The following ACTR3C variants were observed in gnomAD, a reference collection of about 807,000 sequenced individuals.
ACTR3C encodes the protein actin related protein 3C.
ACTR3C carries 18 observed loss-of-function variants against 26.3 expected under a neutral mutation model. The ratio of observed to expected loss-of-function variants is 0.68; its 90% CI spans 0.47 to 1.01. The LOEUF is 1.01. Among genes scored for constraint, ACTR3C ranks in the 50% least tolerant of loss-of-function variants. The pLI is 0.00. For synonymous variants in ACTR3C, 55 were observed against 94.5 expected, an observed-to-expected ratio of 0.58 and a Z score of 2.42; for missense variants, 184 against 250.7, an observed-to-expected ratio of 0.73 and a Z score of 1.80.
chr7:150,028,378 G>C, the ACTR3C span, among the ~76,000 whole-genome samples: 1 of 152,266 alleles, frequency 6.6e-6, no homozygotes, highest in African/African-American at 2.4e-5. Context: ...GTCTGTGTCT[G>C]TGTGCATTTG....
At chr7:150,033,798 G>C in the ACTR3C span, among the ~76,000 whole-genome samples, 97 of 137,248 alleles carry the variant, frequency 7.1e-4, no homozygotes, top group African/African-American at 2.3e-3. Context: ...TCAGAGCCAG[G>C]GGGGGAAGAG....
At chr7:150,043,036 C>T in the ACTR3C span, among the ~76,000 whole-genome samples, 3 of 151,686 alleles carry the variant, frequency 2.0e-5, no homozygotes, top group Non-Finnish European at 4.4e-5. Flanking sequence ...AGTTTGGGAT[C>T]CACAGTCTAC....
the ACTR3C span, among the ~76,000 whole-genome samples, chr7:149,920,026 C>T: frequency 0.074 from 10,804 of 146,676 alleles, 40 homozygotes; most frequent in East Asian, 0.17. Context: ...AAGGTTGAGT[C>T]GGTATTTATT....
chr7:150,087,998 T>C, the ACTR3C span, among the ~76,000 whole-genome samples: 3 of 152,236 alleles, frequency 2.0e-5, no homozygotes, highest in Non-Finnish European at 4.4e-5. Flanking sequence ...TGAAAAGGTA[T>C]ACTTGGTACT....
chr7:150,108,110 T>C, the ACTR3C span, among the ~76,000 whole-genome samples: 24 of 150,338 alleles, frequency 1.6e-4, no homozygotes, highest in African/African-American at 5.9e-4. Context: ...ACGGATTAGA[T>C]GCTGGAGAGG....
At chr7:150,107,178 G>A in the ACTR3C span, among the ~76,000 whole-genome samples, 3 of 146,484 alleles carry the variant, frequency 2.0e-5, no homozygotes, top group Admixed American at 1.3e-4. Flanking sequence ...ATTTGCTGCC[G>A]AGGTTGATAC....
the ACTR3C span, among the ~76,000 whole-genome samples, chr7:150,111,350 G>A: frequency 1.2e-4 from 13 of 106,678 alleles, 1 homozygote; most frequent in Non-Finnish European, 2.3e-4. Context: ...ACAGCGGCCA[G>A]CCCAGGAGGA....
the ACTR3C span, among the ~76,000 whole-genome samples, chr7:150,128,550 A>C: frequency 4.0e-5 from 6 of 151,564 alleles, no homozygotes; most frequent in Non-Finnish European, 1.5e-5. Flanking sequence ...TGATGGAGAA[A>C]CATCAACCCC....
the ACTR3C span, among the ~76,000 whole-genome samples, chr7:149,948,966 T>C: frequency 6.6e-6 from 1 of 151,028 alleles, no homozygotes; most frequent in African/African-American, 2.5e-5. Context: ...GCACTGCTTT[T>C]GTTTCCTTCA....
chr7:150,022,541 T>C, the ACTR3C span, among the ~76,000 whole-genome samples: 2 of 152,048 alleles, frequency 1.3e-5, no homozygotes, highest in Non-Finnish European at 2.9e-5. Context: ...GCCCTGGTTC[T>C]TGACACTCCC....
the ACTR3C span, among the ~76,000 whole-genome samples, chr7:150,159,237 C>T: frequency 1.3e-5 from 2 of 152,040 alleles, no homozygotes; most frequent in South Asian, 2.1e-4. Context: ...AGGAGCTCTG[C>T]TTCCTGCAGG....
At chr7:150,132,741 A>G in the ACTR3C span, among the ~76,000 whole-genome samples, 3 of 152,350 alleles carry the variant, frequency 2.0e-5, no homozygotes, top group African/African-American at 7.2e-5. Context: ...CAGCAATCCC[A>G]CTACTGGGTA....
chr7:150,208,356 G>A, the ACTR3C span, among the ~76,000 whole-genome samples: 1 of 152,106 alleles, frequency 6.6e-6, no homozygotes, highest in Admixed American at 6.5e-5. Flanking sequence ...ACAGAACAGG[G>A]CACGCATGAG....
Position 150,289,564 on chromosome 7 carries a change from GATGCAGCT to G in ACTR3C, c.175_182del (p.Ser59GlnfsTer8), listed in dbSNP as rs1351795055. 1 of 1,594,694 alleles carries G rather than the reference GATGCAGCT, an allele frequency of 6.3e-7. No homozygotes were observed. Among genetic ancestry groups the G allele is most frequent in the African/African-American group, 1.4e-5 (1 of 73,932 alleles). The stretch of plus-strand genomic sequence containing the variant: ...CTCTACCTGCAATCGGGATGTGTTT[GATGCAGCT>G]TCCAATTACATAACCTTCTGCCTAG... On this transcript the variant is annotated frameshift_variant, in exon 4 of 8. Transcript: ENST00000683684. LOFTEE classifies it high-confidence loss of function.
chr7:150,224,499 T>G, the ACTR3C span, among the ~76,000 whole-genome samples: 3 of 152,294 alleles, frequency 2.0e-5, no homozygotes, highest in Non-Finnish European at 4.4e-5. Context: ...TCACATGTAT[T>G]CAACATACAA....
chr7:150,131,615 G>C, the ACTR3C span, among the ~76,000 whole-genome samples: 1 of 152,194 alleles, frequency 6.6e-6, no homozygotes, highest in African/African-American at 2.4e-5. Flanking sequence ...GGAGAGATTT[G>C]TGTCATTCTA....
At chr7:150,187,383 T>C in the ACTR3C span, among the ~76,000 whole-genome samples, 17 of 152,096 alleles carry the variant, frequency 1.1e-4, no homozygotes, top group Admixed American at 3.3e-4. Flanking sequence ...ATACATATCA[T>C]TCATGTATCT....
chr7:150,048,245 C>T, the ACTR3C span, among the ~76,000 whole-genome samples: 2 of 152,308 alleles, frequency 1.3e-5, no homozygotes, highest in Non-Finnish European at 2.9e-5. Flanking sequence ...TTTGGCACCA[C>T]CTAGAAACCC....
chr7:149,888,167 CT>C, the ACTR3C span, among the ~76,000 whole-genome samples: 1 of 152,208 alleles, frequency 6.6e-6, no homozygotes, highest in East Asian at 1.9e-4. Context: ...TGATACAATA[CT>C]GTTACATACA....
Sources: allele counts gnomAD v4.1 joint callset (sites outside exome capture counted in the v4.1 genomes callset), GRCh38; gene constraint gnomAD v4.1.1; transcripts MANE v1.5; gene names NCBI Gene and HGNC (gene_info 2026-07-23, HGNC 2026-07-21).